The following ANKDD1B variants were observed in gnomAD, a reference collection of about 807,000 sequenced individuals.
ANKDD1B encodes ankyrin repeat and death domain-containing protein 1B.
ANKDD1B carries 57 observed loss-of-function variants against 59.7 expected under a neutral mutation model. The observed-to-expected ratio is 0.95, with a 90% confidence interval of 0.77 to 1.19. The LOEUF is 1.19. Among genes scored for constraint, ANKDD1B ranks in the 50% most tolerant of loss-of-function variants. ANKDD1B has a pLI of 0.00. For synonymous variants in ANKDD1B, 216 were observed against 239.5 expected (o/e 0.90, Z 0.91); for missense variants, 602 against 641.9 (o/e 0.94, Z 0.67).
chr5:75,619,469 C>T lies in ANKDD1B; in HGVS notation c.298-846C>T, dbSNP rs556088058. On this transcript the variant is annotated intron_variant, in intron 2 of 13. Transcript: ENST00000601380. ...ATATTCCCGTTGCAATGCTTTATTC[C>T]CAAATAAATATATTTTCTTTTGAGA... Among the ~76,000 whole-genome samples the T allele has an allele frequency of 8.9e-4, 135 of 152,158 alleles. 1 individual carries two copies. Among genetic ancestry groups the T allele is most frequent in the South Asian group, 8.1e-3 (39 of 4,816 alleles).
At position 75,611,612 on chromosome 5, in the gene ANKDD1B, G is replaced by T. The variant is rs1448001272; in HGVS notation, c.-23G>T. The T allele has an allele frequency of 5.7e-6, 7 of 1,230,794 alleles. No individual in the cohort carries two copies. The highest frequency in any genetic ancestry group is 6.1e-6 in the Non-Finnish European group (6 of 987,554). 76.2% of individuals were successfully genotyped at this position (1,230,794 alleles called of 1,614,324 possible). ...GGTCCGAGTCTGGGTCTGGCCCTGC[G>T]CTCAGGGCCCGCGGAGGAGACTATG... On this transcript the variant is annotated 5_prime_UTR_variant, in exon 1 of 14. Transcript: ENST00000601380.
At position 75,658,486 on chromosome 5, in the gene ANKDD1B, C is replaced by A. The variant is rs956864140; in HGVS notation, c.997-797C>A. On this transcript the variant is annotated intron_variant, in intron 9 of 13. Transcript: ENST00000601380. The stretch of plus-strand genomic sequence containing the variant: ...CAGATATTTCTTTTGAAACTCTTAT[C>A]CTCTTGATAGGAAAATGATTACTCC... Among the ~76,000 whole-genome samples the A allele has an allele frequency of 2.0e-5, 3 of 152,134 alleles. No homozygotes were observed. In the East Asian group the frequency reaches 5.8e-4, roughly 29 times the overall value.
chr5:75,665,613 G>A (rs1775285244), intron 11 of ANKDD1B, among the ~76,000 whole-genome samples: 2 of 152,270 alleles, frequency 1.3e-5, no homozygotes, highest in Admixed American at 1.3e-4. Flanking sequence ...AACAATTATG[G>A]GTAATTCACA....
At chr5:75,623,810 T>C (rs1035238711) in intron 3 of ANKDD1B, among the ~76,000 whole-genome samples, 1 of 152,142 alleles carries the variant, frequency 6.6e-6, no homozygotes, top group Admixed American at 6.5e-5. Context: ...CATACATTTT[T>C]CCAAATGTTT....
intron 1 of ANKDD1B, among the ~76,000 whole-genome samples, chr5:75,612,350 T>TCCGCCCC (rs1410849517): frequency 2.1e-3 from 96 of 44,882 alleles, no homozygotes; most frequent in African/African-American, 5.9e-3. Context: ...GCCCCCGCCC[T>TCCGCCCC]CCGCCCCGCG....
intron 12 of ANKDD1B, among the ~76,000 whole-genome samples, chr5:75,668,921 G>A (rs1219070530): frequency 1.3e-5 from 2 of 152,206 alleles, no homozygotes; most frequent in Non-Finnish European, 2.9e-5. Context: ...ATACCCAGGT[G>A]AAATAAGCAC....
rs1775209023 is a variant in ANKDD1B at position 75,663,341 on chromosome 5, G to T, written c.1096-53G>T. 6.8e-6 allele frequency: 9 copies of T among 1,327,656 alleles called. No individual in the cohort carries two copies. The Admixed American group carries it at 1.8e-4, about 26-fold the overall frequency. 82.2% of individuals were successfully genotyped at this position (1,327,656 alleles called of 1,614,324 possible). ...GAGGCCCCCTTGTTCCAAAACTAGA[G>T]CTCCTAATCACTAGGCCATATCACC... is the stretch of plus-strand genomic sequence containing the variant. On this transcript the variant is annotated intron_variant, in intron 10 of 13. Transcript: ENST00000601380.
At chr5:75,654,885 AGT>A (rs1774927436) in intron 8 of ANKDD1B, among the ~76,000 whole-genome samples, 1 of 152,046 alleles carries the variant, frequency 6.6e-6, no homozygotes, top group Non-Finnish European at 1.5e-5. Flanking sequence ...GGATCTGCAC[AGT>A]GTCACTGGAT....
At chr5:75,659,149 T>C in intron 9 of ANKDD1B, 134 bp from the exon 10 acceptor site, 2 of 628,376 alleles carry the variant, frequency 3.2e-6, no homozygotes, top group Non-Finnish European at 5.7e-6. Flanking sequence ...TTGCAAATAA[T>C]AATGCAATGA....
chr5:75,642,440 G>A (rs369113079), intron 7 of ANKDD1B, among the ~76,000 whole-genome samples: 6 of 144,644 alleles, frequency 4.1e-5, no homozygotes, highest in Non-Finnish European at 6.0e-5. Flanking sequence ...CCTGGGAAGC[G>A]CAAGGGGTCA....
At chr5:75,652,818 A>T (rs1376542102) in intron 7 of ANKDD1B, among the ~76,000 whole-genome samples, 1 of 152,214 alleles carries the variant, frequency 6.6e-6, no homozygotes, top group Non-Finnish European at 1.5e-5. Context: ...TCATTGTGTG[A>T]ACATAAATAG....
At position 75,616,929 on chromosome 5, in the gene ANKDD1B, G is replaced by A. The variant is rs1773732188; in HGVS notation, c.297+22G>A. The A allele has an allele frequency of 7.0e-6, 8 of 1,139,488 alleles. No individual in the cohort carries two copies. The East Asian group carries it at 2.1e-4, about 29-fold the overall frequency. 70.6% of individuals were successfully genotyped at this position (1,139,488 alleles called of 1,614,324 possible). ...CAATGTGAGTAGAAGTCATAAATAT[G>A]ACAAGTGACTTCTCCAGTAATGGCT... On this transcript the variant is annotated intron_variant, in intron 2 of 13. Coordinates refer to ENST00000601380, the MANE Select transcript of ANKDD1B (RefSeq NM_001276713.2).
At chr5:75,633,278 G>A (rs550358587) in intron 5 of ANKDD1B, among the ~76,000 whole-genome samples, 19 of 151,988 alleles carry the variant, frequency 1.3e-4, no homozygotes, top group African/African-American at 4.6e-4. Flanking sequence ...GGTGACATAT[G>A]TGGCCCAAGA....
chr5:75,659,279 G>A lies in ANKDD1B; in HGVS notation c.997-4G>A. On this transcript the variant is annotated splice_region_variant and splice_polypyrimidine_tract_variant and intron_variant, in intron 9 of 13. Coordinates refer to ENST00000601380, the MANE Select transcript of ANKDD1B (RefSeq NM_001276713.2). ...GTTTGTTCCCCTCCTTAATTTCATG[G>A]CAGAAGCAGCAAACCCCTCTGCATG... The A allele has an allele frequency of 6.5e-7, 1 of 1,534,348 alleles. No homozygotes were observed. The highest frequency in any genetic ancestry group is 8.7e-7 in the Non-Finnish European group (1 of 1,145,398).
At chr5:75,632,066 C>T (rs1259207204) in intron 5 of ANKDD1B, among the ~76,000 whole-genome samples, 1 of 147,068 alleles carries the variant, frequency 6.8e-6, no homozygotes, top group Non-Finnish European at 1.5e-5. Context: ...AAGATTGTAT[C>T]ACTGCACTGC....
chr5:75,633,611 C>A (rs781699497), intron 5 of ANKDD1B, among the ~76,000 whole-genome samples: 2 of 152,156 alleles, frequency 1.3e-5, no homozygotes, highest in African/African-American at 2.4e-5. Flanking sequence ...TGAGTGTTTT[C>A]TTCTCTTTAA....
chr5:75,612,127 C>T (rs1187685879), intron 1 of ANKDD1B, among the ~76,000 whole-genome samples: 1 of 152,210 alleles, frequency 6.6e-6, no homozygotes, highest in Non-Finnish European at 1.5e-5. Context: ...GTTTCATGTG[C>T]TCTTATCTCC....
chr5:75,627,170 T>G (rs1235901409), intron 5 of ANKDD1B, among the ~76,000 whole-genome samples: 1 of 152,176 alleles, frequency 6.6e-6, no homozygotes, highest in Non-Finnish European at 1.5e-5. Flanking sequence ...AGCTGTGTGG[T>G]TTTAAGCAAG....
chr5:75,634,863 G>A lies in ANKDD1B; in HGVS notation c.601-35G>A, dbSNP rs148822696. 5.6e-4 allele frequency: 752 copies of A among 1,336,538 alleles called. 3 individuals carry two copies. In the African/African-American group the frequency reaches 9.8e-3, roughly 17 times the overall value. The allele number at this position is 1,336,538 out of a possible 1,614,324, so 82.8% of individuals were successfully genotyped here. On this transcript the variant is annotated intron_variant, in intron 5 of 13. Coordinates refer to ENST00000601380, the MANE Select transcript of ANKDD1B (RefSeq NM_001276713.2). ...ATTGTCTTGCTTGTTCACTAAGACT[G>A]TAATAAATGCTTGAGGTTTGTGATT... is the stretch of plus-strand genomic sequence containing the variant.
Sources: gnomAD v4.1 joint callset for allele counts (sites outside exome capture counted in the v4.1 genomes callset) on GRCh38, gnomAD v4.1.1 for gene constraint, MANE v1.5 for transcripts, NCBI Gene and HGNC (gene_info 2026-07-23, HGNC 2026-07-21) for gene names.